Variants in RSPH9 observed in about 807,000 individuals in gnomAD.
The protein encoded by RSPH9 is radial spoke head protein 9 homolog.
A neutral mutation model predicts 27.0 loss-of-function variants in RSPH9; 27 were observed. The ratio of observed to expected loss-of-function variants is 1.00; its 90% CI spans 0.74 to 1.38. The LOEUF (loss-of-function observed/expected upper bound fraction) is 1.38, where lower values mean the gene tolerates loss of function less well. RSPH9 is among the 40% of genes most tolerant of loss of function. The probability of loss-of-function intolerance (pLI) is 0.00; values close to 1 mark genes in which losing one functional copy is unlikely to be tolerated. For synonymous variants in RSPH9, 145 were observed against 147.7 expected, an observed-to-expected ratio of 0.98 and a Z score of 0.13; for missense variants, 347 against 357.4, an observed-to-expected ratio of 0.97 and a Z score of 0.24.
rs763528022 is a variant in RSPH9 at position 43,670,931 on chromosome 6, C to T, written c.813C>T (p.Asp271=). 6.2e-7 allele frequency: 1 copy of T among 1,614,216 alleles called. No homozygotes were observed. Among genetic ancestry groups the T allele is most frequent in the Admixed American group, 1.7e-5 (1 of 60,026 alleles). The part of the protein sequence containing the change: ...VYVGTGEKNM[D]LPFML The stretch of plus-strand genomic sequence containing the variant: ...TGGGCACTGGCGAGAAGAACATGGA[C>T]TTGCCCTTCATGCTATAGAATGGGA... Residue 271 remains aspartate, a synonymous_variant, in exon 5 of 5, where the codon GAC becomes GAT. Coordinates refer to ENST00000372163, the MANE Select transcript of RSPH9 (RefSeq NM_152732.5).
At chr6:43,661,277 A>T (rs1223803190) in intron 4 of RSPH9, among the ~76,000 whole-genome samples, 3 of 152,222 alleles carry the variant, frequency 2.0e-5, no homozygotes, top group Non-Finnish European at 4.4e-5. Flanking sequence ...TTCAACTTAA[A>T]GTCACCAGCT....
chr6:43,670,678 G>A (rs1229292103), intron 4 of RSPH9, 111 bp from the exon 5 acceptor site: 11 of 841,896 alleles, frequency 1.3e-5, no homozygotes, highest in Admixed American at 8.3e-5. Context: ...TCTCCCCAGT[G>A]GAACCATAGC....
At chr6:43,649,812 C>T (rs563146018) in intron 1 of RSPH9, among the ~76,000 whole-genome samples, 1 of 152,316 alleles carries the variant, frequency 6.6e-6, no homozygotes, top group African/African-American at 2.4e-5. Context: ...ACCAGAAACT[C>T]ATCCAGAATT....
At chr6:43,658,565 G>A (rs996140600) in intron 4 of RSPH9, among the ~76,000 whole-genome samples, 3 of 152,084 alleles carry the variant, frequency 2.0e-5, no homozygotes, top group African/African-American at 7.2e-5. Context: ...GCTGGTGGAG[G>A]GTCTTTGCTC....
At chr6:43,645,473 C>G in intron 1 of RSPH9, 148 bp downstream of exon 1, 1 of 703,582 alleles carries the variant, frequency 1.4e-6, no homozygotes. Flanking sequence ...GGGGGAGACC[C>G]TGGGGGGCGG....
rs910385617 is a variant in RSPH9, at chr6:43,671,830, G to T, written c.*881G>T. 3 of 1,614,186 alleles carry T rather than the reference G, an allele frequency of 1.9e-6. No homozygotes were observed. The highest frequency in any genetic ancestry group is 2.5e-6 in the Non-Finnish European group (3 of 1,180,014). ...TCCCTCAGAAGGGGTGACCCCACGG[G>T]CATGCGCACCCTGTTCCAGCGGGGG... On this transcript the variant is annotated 3_prime_UTR_variant, in exon 5 of 5. Transcript: ENST00000372163.
chr6:43,655,140 A>G (rs909466887), intron 2 of RSPH9, among the ~76,000 whole-genome samples: 7 of 152,342 alleles, frequency 4.6e-5, no homozygotes, highest in African/African-American at 1.7e-4. Context: ...ATGTCTTTCT[A>G]TATTATCCAA....
intron 2 of RSPH9, 90 bp downstream of exon 2, chr6:43,650,630 G>T: frequency 7.0e-7 from 1 of 1,425,572 alleles, no homozygotes; most frequent in Non-Finnish European, 9.8e-7. Context: ...CAACAGGCTG[G>T]GCACGGTGGC....
At chr6:43,653,371 C>T (rs148409800) in intron 2 of RSPH9, among the ~76,000 whole-genome samples, 7,710 of 144,688 alleles carry the variant, frequency 0.053, 303 homozygotes, top group African/African-American at 0.11. Flanking sequence ...GGCTTGAATC[C>T]GGGAGGCGGA....
chr6:43,656,662 G>A lies in RSPH9; in HGVS notation c.609G>A (p.Glu203=). 6.2e-7 allele frequency: 1 copy of A among 1,614,216 alleles called. No homozygotes were observed. Among genetic ancestry groups the A allele is most frequent in the South Asian group, 1.1e-5 (1 of 91,090 alleles). The change falls in exon 4 of 5, where the codon GAG becomes GAA. Residue 203 remains glutamate (E), a synonymous_variant. Transcript: ENST00000372163. The part of the protein sequence containing the change: ...PVELKNKTLL[E]KADLDPSLDF... ...AGCTAAAGAATAAGACCTTGCTTGA[G>A]AAGGCTGACCTGGACCCCTCCCTGG...
chr6:43,659,716 C>T (rs1201032822), intron 4 of RSPH9, among the ~76,000 whole-genome samples: 2 of 151,038 alleles, frequency 1.3e-5, no homozygotes, highest in Admixed American at 6.6e-5. Context: ...CTACTTTTTA[C>T]TTTTATTTTT....
At chr6:43,649,760 C>G (rs1008606792) in intron 1 of RSPH9, among the ~76,000 whole-genome samples, 1 of 151,772 alleles carries the variant, frequency 6.6e-6, no homozygotes, top group African/African-American at 2.4e-5. Context: ...GAATTTAGGG[C>G]CCACCAAAAC....
intron 1 of RSPH9, among the ~76,000 whole-genome samples, chr6:43,646,982 A>C (rs1338714785): frequency 6.6e-6 from 1 of 150,438 alleles, no homozygotes; most frequent in African/African-American, 2.4e-5. Flanking sequence ...AAAAAAAAGG[A>C]AAATTTGCAG....
chr6:43,645,150 C>G lies in RSPH9; in HGVS notation c.52C>G (p.Gln18Glu). The change falls in exon 1 of 5, where the codon CAG becomes GAG. Residue 18 changes from glutamine to glutamate, a missense_variant. Gln to Glu is a conservative substitution (Grantham distance 29). Coordinates refer to ENST00000372163, the MANE Select transcript of RSPH9 (RefSeq NM_152732.5). ...LSLELASGSGQGLSPDRRASL... is the reference protein window; with the variant it reads ...LSLELASGSGEGLSPDRRASL... Reference sequence around the variant, plus strand: ...TCTGGAGCTGGCGTCCGGCAGTGGGCAGGGCCTCAGCCCGGACCGTCGGGC... The same window carrying G: ...TCTGGAGCTGGCGTCCGGCAGTGGGGAGGGCCTCAGCCCGGACCGTCGGGC... 6.2e-7 allele frequency: 1 copy of G among 1,613,434 alleles called. No homozygotes were observed. The highest frequency in any genetic ancestry group is 8.5e-7 in the Non-Finnish European group (1 of 1,179,980).
At chr6:43,656,312 C>T (rs764347628) in intron 3 of RSPH9, among the ~76,000 whole-genome samples, 2 of 152,098 alleles carry the variant, frequency 1.3e-5, no homozygotes, top group African/African-American at 4.8e-5. Flanking sequence ...TCTCAAACTC[C>T]CGACCTCAGG....
chr6:43,645,054 C>T lies in RSPH9; in HGVS notation c.-45C>T, dbSNP rs775655691. On this transcript the variant is annotated 5_prime_UTR_variant, in exon 1 of 5. Transcript: ENST00000372163. ...GAGCTTCAGGTCTCCATGGAGGCGG[C>T]TTCTCCTAGCAACTCGACGGGCGTT... The T allele has an allele frequency of 6.4e-7, 1 of 1,555,230 alleles. No homozygotes were observed. Among genetic ancestry groups the T allele is most frequent in the Non-Finnish European group, 8.8e-7 (1 of 1,136,688 alleles).
At chr6:43,656,063 T>A (rs910749568) in intron 3 of RSPH9, among the ~76,000 whole-genome samples, 3 of 126,814 alleles carry the variant, frequency 2.4e-5, no homozygotes, top group Non-Finnish European at 4.8e-5. Flanking sequence ...TTCCCTTCTT[T>A]CCCTCCTTCC....
At chr6:43,661,585 C>T (rs1025245916) in intron 4 of RSPH9, among the ~76,000 whole-genome samples, 4 of 139,052 alleles carry the variant, frequency 2.9e-5, no homozygotes, top group East Asian at 2.2e-4. Flanking sequence ...TGCTTGAACC[C>T]GGGAGGCAGA....
At chr6:43,660,391 A>G (rs911466417) in intron 4 of RSPH9, among the ~76,000 whole-genome samples, 2 of 152,008 alleles carry the variant, frequency 1.3e-5, no homozygotes, top group African/African-American at 2.4e-5. Context: ...GTTGGAATCA[A>G]CTTCTCCCAA....
Sources: allele counts gnomAD v4.1 joint callset (sites outside exome capture counted in the v4.1 genomes callset), GRCh38; gene constraint gnomAD v4.1.1; transcripts MANE v1.5; gene names NCBI Gene and HGNC (gene_info 2026-07-23, HGNC 2026-07-21).